MED13: variants seen among roughly 807,000 people sequenced by gnomAD.
The protein encoded by MED13 is mediator of RNA polymerase II transcription subunit 13.
A neutral mutation model predicts 225.2 loss-of-function variants in MED13; 23 were observed. That is an observed-to-expected ratio of 0.10 (90% CI 0.07 to 0.14). The LOEUF is 0.14. Ranked by LOEUF, MED13 falls within the 10% of genes least tolerant of loss-of-function variation. The probability of loss-of-function intolerance (pLI) is 1.00; values close to 1 mark genes in which losing one functional copy is unlikely to be tolerated. For missense variants in MED13, 2,197 were observed against 2,594.5 expected, an observed-to-expected ratio of 0.85 and a Z score of 3.33; for synonymous variants, 942 against 889.2, an observed-to-expected ratio of 1.06 and a Z score of -1.06.
chr17:62,034,232 C>T (rs1429294254), intron 4 of MED13, among the ~76,000 whole-genome samples: 2 of 152,144 alleles, frequency 1.3e-5, no homozygotes, highest in Non-Finnish European at 2.9e-5. Context: ...CGCCTGTAAT[C>T]CCAGCATTTT....
chr17:61,962,678 A>T, intron 21 of MED13, 74 bp downstream of exon 21: 2 of 1,295,116 alleles, frequency 1.5e-6, no homozygotes, highest in East Asian at 2.3e-5. Context: ...GAATACAGAA[A>T]AGTAGTATCT....
At chr17:62,005,223 GCTGA>G (rs1317520124) in intron 9 of MED13, 5 of 152,162 alleles carry the variant, frequency 3.3e-5, no homozygotes, top group South Asian at 4.1e-4. Context: ...CAAGAGACCT[GCTGA>G]CTATTAAATA....
At chr17:62,033,710 G>A in intron 5 of MED13, 77 bp downstream of exon 5, 1 of 1,382,890 alleles carries the variant, frequency 7.2e-7, no homozygotes, top group Non-Finnish European at 1.0e-6. Flanking sequence ...TATTAGACTT[G>A]TTTGTTATTC....
intron 4 of MED13, among the ~76,000 whole-genome samples, chr17:62,034,978 A>G (rs1054578703): frequency 3.3e-5 from 5 of 151,838 alleles, no homozygotes; most frequent in Non-Finnish European, 7.4e-5. Context: ...AAAATTGGCC[A>G]GGCTTGGTGG....
intron 8 of MED13, among the ~76,000 whole-genome samples, chr17:62,027,805 T>C (rs1312713773): frequency 3.3e-5 from 5 of 152,188 alleles, no homozygotes; most frequent in African/African-American, 9.7e-5. Flanking sequence ...CCAACATGCA[T>C]ATGTAAAAAA....
intron 26 of MED13, 165 bp downstream of exon 26, chr17:61,955,217 C>T: frequency 1.9e-6 from 1 of 515,540 alleles, no homozygotes; most frequent in Non-Finnish European, 3.2e-6. Flanking sequence ...TAAGGGCCCA[C>T]CTGCGTAATT....
intron 11 of MED13, among the ~76,000 whole-genome samples, chr17:61,987,350 C>T (rs947300482): frequency 6.6e-6 from 1 of 152,012 alleles, no homozygotes; most frequent in African/African-American, 2.4e-5. Flanking sequence ...CGGAGAACTG[C>T]TTGAACCCAG....
chr17:62,035,417 A>T (rs1448442863), intron 4 of MED13, 46 bp downstream of exon 4: 1 of 1,463,082 alleles, frequency 6.8e-7, no homozygotes, highest in African/African-American at 1.4e-5. Flanking sequence ...TCAAATAAGG[A>T]TCTTTCAATA....
chr17:61,972,974 G>C, intron 16 of MED13, 86 bp from the exon 17 acceptor site: 1 of 1,077,082 alleles, frequency 9.3e-7, no homozygotes, highest in Non-Finnish European at 1.3e-6. Context: ...AACACATATA[G>C]GGAAGTTCAG....
At chr17:61,967,538 A>G (rs1453011715) in intron 18 of MED13, among the ~76,000 whole-genome samples, 1 of 152,218 alleles carries the variant, frequency 6.6e-6, no homozygotes, top group East Asian at 1.9e-4. Flanking sequence ...CATAACACTT[A>G]TAATTTACAA....
chr17:61,981,808 T>G lies in MED13; in HGVS notation c.3805+390A>C, dbSNP rs565573765. Among the ~76,000 whole-genome samples, 124 of 152,356 alleles carry G rather than the reference T, an allele frequency of 8.1e-4. 2 individuals are homozygous for G. The South Asian group carries it at 0.025, about 31-fold the overall frequency. ...CCTATTTTCTCCACTAAATTATAGA[T>G]TCAAAAAGGGCAAAGAATATGTGTG... On this transcript the variant is annotated intron_variant, in intron 16 of 29. Transcript: ENST00000397786.
At chr17:61,957,624 A>G (rs1322571110) in intron 23 of MED13, among the ~76,000 whole-genome samples, 1 of 152,092 alleles carries the variant, frequency 6.6e-6, no homozygotes, top group Non-Finnish European at 1.5e-5. Context: ...CTAGGATTAC[A>G]GGCGTGAGCC....
chr17:62,003,321 T>C (rs1385334166), intron 9 of MED13, among the ~76,000 whole-genome samples: 1 of 152,046 alleles, frequency 6.6e-6, no homozygotes, highest in African/African-American at 2.4e-5. Flanking sequence ...AAAAGCAAAT[T>C]GTGGCCAGGT....
chr17:62,058,811 T>C (rs2081015994), intron 2 of MED13, among the ~76,000 whole-genome samples: 2 of 152,216 alleles, frequency 1.3e-5, no homozygotes, highest in African/African-American at 4.8e-5. Context: ...CTCAACGGTA[T>C]TGACTTACTG....
chr17:61,963,254 A>G (rs930072648), intron 20 of MED13, among the ~76,000 whole-genome samples: 29 of 121,004 alleles, frequency 2.4e-4, no homozygotes, highest in Non-Finnish European at 2.0e-4. Context: ...AAAAATTCTT[A>G]AAACCATAGG....
chr17:62,031,263 A>G, intron 6 of MED13, 181 bp downstream of exon 6: 1 of 544,726 alleles, frequency 1.8e-6, no homozygotes. Flanking sequence ...AATGTACATC[A>G]TACAGACAGG....
intron 9 of MED13, among the ~76,000 whole-genome samples, chr17:62,001,926 A>G (rs1040937641): frequency 6.6e-6 from 1 of 152,220 alleles, no homozygotes; most frequent in Non-Finnish European, 1.5e-5. Flanking sequence ...TCCTAAGAAG[A>G]GATACAAAAT....
At chr17:62,063,006 A>T in intron 2 of MED13, 61 bp downstream of exon 2, 1 of 1,304,276 alleles carries the variant, frequency 7.7e-7, no homozygotes, top group Non-Finnish European at 1.1e-6. Flanking sequence ...TACATATGAC[A>T]TTCTGGGAGA....
rs1385360241 is a variant in MED13, at chr17:61,942,771, G to GTT, written c.*3695_*3696dup. 1 of 149,570 alleles carries GTT rather than the reference G, an allele frequency of 6.7e-6. No homozygotes were observed. The highest frequency in any genetic ancestry group is 2.4e-5 in the African/African-American group (1 of 40,964). 9.3% of individuals were successfully genotyped at this position (149,570 alleles called of 1,614,324 possible). The stretch of plus-strand genomic sequence containing the variant: ...TTGTTCCTTATTCTCTTTTTGTCAC[G>GTT]TTAAAAAGAAAAGCAATTGGACCAT... On this transcript the variant is annotated 3_prime_UTR_variant, in exon 30 of 30. Coordinates refer to ENST00000397786, the MANE Select transcript of MED13 (RefSeq NM_005121.3).
Sources: gnomAD v4.1 joint callset for allele counts (sites outside exome capture counted in the v4.1 genomes callset) on GRCh38, gnomAD v4.1.1 for gene constraint, MANE v1.5 for transcripts, NCBI Gene and HGNC (gene_info 2026-07-23, HGNC 2026-07-21) for gene names.